SDK1: variants seen among roughly 807,000 people sequenced by gnomAD.
SDK1 encodes the protein protein sidekick-1.
SDK1 carries 157 observed loss-of-function variants against 245.5 expected under a neutral mutation model. That is an observed-to-expected ratio of 0.64 (90% CI 0.56 to 0.73). The LOEUF is 0.73. Ranked by LOEUF, SDK1 falls within the 30% of genes least tolerant of loss-of-function variation. The pLI, the probability that SDK1 is intolerant of heterozygous loss-of-function variation, is 0.00. For missense variants in SDK1, 3,583 were observed against 3,002.3 expected (o/e 1.19, Z -4.52); for synonymous variants, 1,647 against 1,278.5 (o/e 1.29, Z -6.15).
intron 2 of SDK1, among the ~76,000 whole-genome samples, chr7:3,638,170 CAGAAGT>C (rs949252349): frequency 2.6e-5 from 4 of 152,150 alleles, no homozygotes; most frequent in African/African-American, 9.6e-5. Flanking sequence ...ATGAATAAGA[CAGAAGT>C]AGATCCTAGC....
chr7:3,822,959 A>G (rs2115062205), intron 5 of SDK1, among the ~76,000 whole-genome samples: 1 of 152,050 alleles, frequency 6.6e-6, no homozygotes, highest in Non-Finnish European at 1.5e-5. Flanking sequence ...ATTGGTCCCA[A>G]GTGGCCGTGA....
intron 14 of SDK1, among the ~76,000 whole-genome samples, chr7:3,990,272 C>T (rs1784194627): frequency 6.6e-6 from 1 of 152,246 alleles, no homozygotes; most frequent in Admixed American, 6.5e-5. Flanking sequence ...AGTCCAGGCC[C>T]TTCTCCCCCT....
intron 1 of SDK1, among the ~76,000 whole-genome samples, chr7:3,403,957 A>G (rs1383298976): frequency 2.7e-5 from 4 of 148,342 alleles, no homozygotes; most frequent in African/African-American, 9.9e-5. Flanking sequence ...GGTCCAGACC[A>G]TTGCAATAAA....
intron 5 of SDK1, among the ~76,000 whole-genome samples, chr7:3,832,595 C>T (rs145086463): frequency 2.0e-5 from 3 of 152,274 alleles, no homozygotes; most frequent in African/African-American, 4.8e-5. Flanking sequence ...ATTAGCAAAT[C>T]CAGAGTGCTA....
chr7:3,975,811 G>T (rs562759034), intron 13 of SDK1, among the ~76,000 whole-genome samples: 2 of 152,380 alleles, frequency 1.3e-5, no homozygotes, highest in South Asian at 2.1e-4. Context: ...GGTAATTGTG[G>T]TTAGTTAGGA....
intron 2 of SDK1, among the ~76,000 whole-genome samples, chr7:3,623,635 A>G (rs1436255555): frequency 1.3e-5 from 2 of 152,162 alleles, no homozygotes; most frequent in African/African-American, 4.8e-5. Context: ...AATTAAACTA[A>G]GTTTGCATAG....
At chr7:3,502,775 C>T (rs1476766718) in intron 1 of SDK1, among the ~76,000 whole-genome samples, 1 of 152,132 alleles carries the variant, frequency 6.6e-6, no homozygotes. Context: ...GGCTAATTAA[C>T]AACACATTTC....
At chr7:3,623,339 C>A (rs918813322) in intron 2 of SDK1, among the ~76,000 whole-genome samples, 1 of 150,922 alleles carries the variant, frequency 6.6e-6, no homozygotes, top group East Asian at 1.9e-4. Context: ...CCTTCGTCTC[C>A]TGGTCTCAAG....
At chr7:3,488,028 T>G (rs1028946320) in intron 1 of SDK1, among the ~76,000 whole-genome samples, 1 of 152,208 alleles carries the variant, frequency 6.6e-6, no homozygotes, top group Non-Finnish European at 1.5e-5. Flanking sequence ...GTAATTCTTA[T>G]TAGACTAGAG....
At chr7:3,888,033 A>G (rs1036954959) in intron 5 of SDK1, among the ~76,000 whole-genome samples, 5 of 152,328 alleles carry the variant, frequency 3.3e-5, no homozygotes, top group South Asian at 4.1e-4. Context: ...CAAGTGGTCT[A>G]TATTTCTTTT....
At chr7:3,923,343 T>C (rs1434088903) in intron 5 of SDK1, among the ~76,000 whole-genome samples, 1 of 152,214 alleles carries the variant, frequency 6.6e-6, no homozygotes, top group Admixed American at 6.5e-5. Context: ...TTAATGAATG[T>C]GCAGGCTGTA....
intron 2 of SDK1, among the ~76,000 whole-genome samples, chr7:3,620,841 A>T (rs1481326462): frequency 6.6e-6 from 1 of 151,666 alleles, no homozygotes; most frequent in Non-Finnish European, 1.5e-5. Context: ...ACCCACCCAC[A>T]CTTTAGACAA....
At chr7:3,712,729 T>A (rs999952542) in intron 4 of SDK1, among the ~76,000 whole-genome samples, 3 of 152,174 alleles carry the variant, frequency 2.0e-5, no homozygotes, top group African/African-American at 7.2e-5. Context: ...GTTAGAGAAA[T>A]GGGTACAAGA....
chr7:4,183,659 A>G (rs1782721563), intron 35 of SDK1, among the ~76,000 whole-genome samples: 1 of 151,068 alleles, frequency 6.6e-6, no homozygotes, highest in Admixed American at 6.6e-5. Context: ...AAAAAAAAAA[A>G]GAAAGTATGC....
intron 2 of SDK1, among the ~76,000 whole-genome samples, chr7:3,632,014 C>G (rs1782307825): frequency 6.6e-6 from 1 of 151,964 alleles, no homozygotes; most frequent in African/African-American, 2.4e-5. Flanking sequence ...TACTTTAATC[C>G]TTGATATAAT....
intron 38 of SDK1, among the ~76,000 whole-genome samples, chr7:4,213,550 A>G (rs1043382210): frequency 7.9e-5 from 12 of 151,390 alleles, no homozygotes; most frequent in African/African-American, 2.9e-4. Context: ...GCACCACTGC[A>G]CTCCAGCCTG....
intron 1 of SDK1, among the ~76,000 whole-genome samples, chr7:3,492,291 G>A (rs1385186840): frequency 2.0e-5 from 3 of 152,058 alleles, no homozygotes; most frequent in African/African-American, 4.8e-5. Context: ...AGAGTAGATC[G>A]AGACCATCCT....
Position 4,237,707 on chromosome 7 carries a change from G to T in SDK1, c.6053G>T (p.Ser2018Ile). ...TTCCTCCTGGTGATGGCTCTGTCCAGCCTGATCGTCATCCTGCTGGTGGTG... is the reference window on the plus strand; with the variant it reads ...TTCCTCCTGGTGATGGCTCTGTCCATCCTGATCGTCATCCTGCTGGTGGTG... The part of the protein sequence containing the change: ...WWFLLVMALS[S>I]LIVILLVVFA... Residue 2018 changes from serine (S) to isoleucine (I), a missense_variant, in exon 42 of 45, where the codon AGC (serine) becomes ATC (isoleucine). Transcript: ENST00000404826. 1 of 1,614,190 alleles carries T rather than the reference G, an allele frequency of 6.2e-7. No homozygotes were observed. Among genetic ancestry groups the T allele is most frequent in the Non-Finnish European group, 8.5e-7 (1 of 1,180,044 alleles).
chr7:4,069,946 G>A (rs560062178), intron 20 of SDK1, among the ~76,000 whole-genome samples: 1 of 152,156 alleles, frequency 6.6e-6, no homozygotes, highest in Non-Finnish European at 1.5e-5. Flanking sequence ...TGATGTGGTG[G>A]GGGTGAGGTT....
Sources: gnomAD v4.1 joint callset for allele counts (sites outside exome capture counted in the v4.1 genomes callset) on GRCh38, gnomAD v4.1.1 for gene constraint, MANE v1.5 for transcripts, NCBI Gene and HGNC (gene_info 2026-07-23, HGNC 2026-07-21) for gene names.